Variants in ITGA8 observed in about 807,000 individuals in gnomAD.
ITGA8 encodes integrin subunit alpha 8, also known as integrin alpha-8.
Under a neutral mutation model 142.3 loss-of-function variants are expected in ITGA8, and 91 were observed. The observed-to-expected ratio is 0.64, with a 90% CI of 0.54 to 0.76. The LOEUF (loss-of-function observed/expected upper bound fraction) is 0.76, where lower values mean the gene tolerates loss of function less well. Ranked by LOEUF, ITGA8 falls within the 30% of genes least tolerant of loss-of-function variation. The probability of loss-of-function intolerance (pLI) is 0.00; values close to 1 mark genes in which losing one functional copy is unlikely to be tolerated. For missense variants in ITGA8, 1,406 were observed against 1,327.7 expected (o/e 1.06, Z -0.92); for synonymous variants, 505 against 485.2 (o/e 1.04, Z -0.54).
intron 3 of ITGA8, among the ~76,000 whole-genome samples, chr10:15,685,188 C>T (rs551609874): frequency 5.3e-5 from 8 of 152,282 alleles, no homozygotes; most frequent in African/African-American, 1.9e-4. Context: ...GTCTCTGGCC[C>T]TCCTTGTTAT....
chr10:15,530,433 C>T (rs952946182), intron 28 of ITGA8, among the ~76,000 whole-genome samples: 16 of 150,402 alleles, frequency 1.1e-4, no homozygotes, highest in African/African-American at 3.9e-4. Context: ...GTAGTCCTAG[C>T]TACTCGGGAG....
intron 3 of ITGA8, among the ~76,000 whole-genome samples, chr10:15,685,970 G>C (rs1834827247): frequency 6.6e-6 from 1 of 152,162 alleles, no homozygotes; most frequent in Admixed American, 6.5e-5. Context: ...TAAAACATTA[G>C]CTTGGTTTGG....
At chr10:15,665,487 G>C (rs1834371251) in intron 8 of ITGA8, among the ~76,000 whole-genome samples, 2 of 152,124 alleles carry the variant, frequency 1.3e-5, no homozygotes, top group Non-Finnish European at 2.9e-5. Flanking sequence ...TCTGATGGTA[G>C]TTTCTTTTGC....
intron 2 of ITGA8, among the ~76,000 whole-genome samples, chr10:15,700,482 T>A (rs904872073): frequency 6.6e-6 from 1 of 152,196 alleles, no homozygotes; most frequent in African/African-American, 2.4e-5. Context: ...ATTACTCAGA[T>A]GAGAGTATTG....
At chr10:15,636,371 A>G (rs911796464) in intron 13 of ITGA8, among the ~76,000 whole-genome samples, 4 of 152,202 alleles carry the variant, frequency 2.6e-5, no homozygotes, top group African/African-American at 9.6e-5. Flanking sequence ...CTACATTTTG[A>G]ATCAGAAAAT....
chr10:15,639,864 C>T (rs1179233032), intron 13 of ITGA8, among the ~76,000 whole-genome samples: 1 of 152,114 alleles, frequency 6.6e-6, no homozygotes, highest in African/African-American at 2.4e-5. Context: ...GGTTGCGAAC[C>T]CCTGTTTATA....
In ITGA8 at chr10:15,702,868, T is replaced by G. The variant is rs376626779; in HGVS notation, c.344-14830A>C. On this transcript the variant is annotated intron_variant, in intron 2 of 29. Coordinates refer to ENST00000378076, the MANE Select transcript of ITGA8 (RefSeq NM_003638.3). ...TCAAACAGTACAAAGTAACAAAACT[T>G]GTATAGAGAACTGTATAAGGTAGCA... Among the ~76,000 whole-genome samples, 19 of 152,292 alleles carry G rather than the reference T, an allele frequency of 1.2e-4. No individual in the cohort carries two copies. The East Asian group carries it at 3.3e-3, about 26-fold the overall frequency.
chr10:15,626,858 G>C (rs1352935904), intron 13 of ITGA8, among the ~76,000 whole-genome samples: 1 of 152,162 alleles, frequency 6.6e-6, no homozygotes, highest in Non-Finnish European at 1.5e-5. Context: ...CCTTGATCTT[G>C]GACTTGCAGC....
chr10:15,597,096 G>C (rs1026926149), intron 21 of ITGA8, 111 bp downstream of exon 21: 1 of 788,022 alleles, frequency 1.3e-6, no homozygotes, highest in African/African-American at 1.7e-5. Context: ...TGCCTAATTT[G>C]TTGTTGCTGC....
At chr10:15,549,017 C>G (rs911039103) in intron 26 of ITGA8, among the ~76,000 whole-genome samples, 1 of 151,940 alleles carries the variant, frequency 6.6e-6, no homozygotes, top group Admixed American at 6.6e-5. Context: ...AAATTATTTC[C>G]TGGTTATAAA....
Position 15,644,010 on chromosome 10 carries a change from G to A in ITGA8, c.1399+20C>T. ...TTTCAGGACGTAGACTCTCACGTGG[G>A]AAAAGAAAGAAAACCTTACCTGGGT... On this transcript the variant is annotated intron_variant, in intron 13 of 29. Coordinates refer to ENST00000378076, the MANE Select transcript of ITGA8 (RefSeq NM_003638.3). 6.2e-7 allele frequency: 1 copy of A among 1,600,482 alleles called. No individual in the cohort carries two copies. The highest frequency in any genetic ancestry group is 8.5e-7 in the Non-Finnish European group (1 of 1,170,920).
chr10:15,652,224 A>C (rs1230100331), intron 11 of ITGA8, among the ~76,000 whole-genome samples: 3 of 152,226 alleles, frequency 2.0e-5, no homozygotes, highest in African/African-American at 7.2e-5. Flanking sequence ...CATTCTCACA[A>C]AACTTTGCTA....
rs528197649 is a variant in ITGA8 at position 15,601,073 on chromosome 10, T to C, written c.2118+3135A>G. Among the ~76,000 whole-genome samples the C allele has an allele frequency of 8.5e-5, 13 of 152,180 alleles. No individual in the cohort carries two copies. In the South Asian group the frequency reaches 2.7e-3, roughly 32 times the overall value. On this transcript the variant is annotated intron_variant, in intron 20 of 29. Transcript: ENST00000378076. ...TAGCCAATATGGTGAAACTGATCTC[T>C]ACTAAAAATACTAAAATTAGTCAGG...
chr10:15,570,664 G>C (rs1328823118), intron 25 of ITGA8, among the ~76,000 whole-genome samples: 1 of 150,402 alleles, frequency 6.6e-6, no homozygotes, highest in Non-Finnish European at 1.5e-5. Context: ...GGAACACCAG[G>C]TGCTTAGTAT....
chr10:15,562,963 A>G (rs1211414271), intron 25 of ITGA8, among the ~76,000 whole-genome samples: 1 of 152,190 alleles, frequency 6.6e-6, no homozygotes, highest in Non-Finnish European at 1.5e-5. Flanking sequence ...ATCCCTCATG[A>G]ATGGCTTGGG....
At chr10:15,686,199 T>C (rs928912947) in intron 3 of ITGA8, among the ~76,000 whole-genome samples, 2 of 152,232 alleles carry the variant, frequency 1.3e-5, no homozygotes, top group African/African-American at 2.4e-5. Flanking sequence ...AATGTATAAC[T>C]ATTTTTAGTA....
In ITGA8 at chr10:15,677,602, G is replaced by A; in HGVS notation, c.666C>T (p.Phe222=). Residue 222 remains phenylalanine, a synonymous_variant, in exon 6 of 30, where the codon TTC becomes TTT. Coordinates refer to ENST00000378076, the MANE Select transcript of ITGA8 (RefSeq NM_003638.3). ...GDLIVGGPGS[F]YWQGQVITAS... is the part of the protein sequence containing the mutation. Reference sequence around the variant, plus strand: ...GCCAACAGAACATACCTTGCCAGTAGAAACTCCCAGGTCCTCCCACAATAA... The same window carrying A: ...GCCAACAGAACATACCTTGCCAGTAAAAACTCCCAGGTCCTCCCACAATAA... 6.2e-7 allele frequency: 1 copy of A among 1,613,390 alleles called. No individual in the cohort carries two copies. The highest frequency in any genetic ancestry group is 8.5e-7 in the Non-Finnish European group (1 of 1,179,698).
At position 15,640,232 on chromosome 10, in the gene ITGA8, C is replaced by T. The variant is rs139473597; in HGVS notation, c.1399+3798G>A. Among the ~76,000 whole-genome samples, 92 of 152,310 alleles carry T rather than the reference C, an allele frequency of 6.0e-4. No homozygotes were observed. The East Asian group carries it at 0.01, about 17-fold the overall frequency. On this transcript the variant is annotated intron_variant, in intron 13 of 29. Transcript: ENST00000378076. ...AATCCCCTCTACGGCCCGTGTTCCA[C>T]GGGACCGACCTGGGTGTCAGGTCTT...
intron 28 of ITGA8, among the ~76,000 whole-genome samples, chr10:15,528,211 C>T (rs1390184238): frequency 2.0e-5 from 3 of 152,142 alleles, no homozygotes; most frequent in Non-Finnish European, 4.4e-5. Flanking sequence ...GCTGGGATTA[C>T]AGGTGTGAGC....
Sources: allele counts gnomAD v4.1 joint callset (sites outside exome capture counted in the v4.1 genomes callset), GRCh38; gene constraint gnomAD v4.1.1; transcripts MANE v1.5; gene names NCBI Gene and HGNC (gene_info 2026-07-23, HGNC 2026-07-21).